Variants in CEP89 observed in about 807,000 individuals in gnomAD.
CEP89 encodes centrosomal protein 89, also known as centrosomal protein of 89 kDa.
A neutral mutation model predicts 97.6 loss-of-function variants in CEP89; 95 were observed. The observed-to-expected ratio is 0.97, with a 90% CI of 0.82 to 1.15. The LOEUF (loss-of-function observed/expected upper bound fraction) is 1.15. CEP89 is among the 50% of genes most tolerant of loss of function. The probability of loss-of-function intolerance (pLI) is 0.00; values close to 1 mark genes in which losing one functional copy is unlikely to be tolerated. For synonymous variants in CEP89, 354 were observed against 349.1 expected, an observed-to-expected ratio of 1.01 and a Z score of -0.16; for missense variants, 869 against 947.7, an observed-to-expected ratio of 0.92 and a Z score of 1.09.
intron 9 of CEP89, 82 bp downstream of exon 9, chr19:32,931,347 A>G: frequency 8.1e-7 from 1 of 1,237,414 alleles, no homozygotes; most frequent in South Asian, 1.5e-5. Flanking sequence ...ATAATAAATA[A>G]GAACCTCTCA....
At position 32,959,051 on chromosome 19, in the gene CEP89, A is replaced by C. The variant is rs11665911; in HGVS notation, c.305+849T>G. 5.3e-3 allele frequency among the ~76,000 whole-genome samples: 797 copies of C among 151,486 alleles called. 6 individuals are homozygous for C. The highest frequency in any genetic ancestry group is 0.016 in the African/African-American group (666 of 41,298). On this transcript the variant is annotated intron_variant, in intron 3 of 18. Transcript: ENST00000305768. ...ACAAAACAAAACAAACAAAACAAAA[A>C]AAAAAAAAACAGACAAATGTGATCG...
intron 17 of CEP89, among the ~76,000 whole-genome samples, chr19:32,887,140 A>G (rs1012813759): frequency 6.6e-6 from 1 of 151,494 alleles, no homozygotes; most frequent in Admixed American, 6.6e-5. Flanking sequence ...GCAGTGAGCC[A>G]TTGTCATGTC....
At chr19:32,879,918 G>C (rs1186499930) in intron 18 of CEP89, among the ~76,000 whole-genome samples, 2 of 152,252 alleles carry the variant, frequency 1.3e-5, no homozygotes, top group African/African-American at 2.4e-5. Context: ...GAGTCAGGGG[G>C]TGAGGTGGGG....
intron 5 of CEP89, among the ~76,000 whole-genome samples, chr19:32,945,373 A>G (rs1180831930): frequency 6.6e-6 from 1 of 151,480 alleles, no homozygotes; most frequent in African/African-American, 2.4e-5. Context: ...TTTCAGAAGT[A>G]TGCAGGGGCT....
At chr19:32,957,607 T>TTG (rs1429892079) in intron 3 of CEP89, among the ~76,000 whole-genome samples, 1 of 152,002 alleles carries the variant, frequency 6.6e-6, no homozygotes, top group Non-Finnish European at 1.5e-5. Flanking sequence ...GCCAGGAGTT[T>TTG]GAGACCAGCC....
chr19:32,943,658 G>A (rs1269110049), intron 5 of CEP89, among the ~76,000 whole-genome samples: 1 of 151,794 alleles, frequency 6.6e-6, no homozygotes, highest in Non-Finnish European at 1.5e-5. Flanking sequence ...AACTCACCAC[G>A]TTTCACATGC....
intron 9 of CEP89, among the ~76,000 whole-genome samples, chr19:32,930,876 T>C (rs1970458439): frequency 6.9e-6 from 1 of 144,100 alleles, no homozygotes; most frequent in African/African-American, 2.5e-5. Flanking sequence ...TTCATTCTTT[T>C]ACTTTTGTTA....
rs1007845193 is a variant in CEP89, at chr19:32,955,240, G to A, written c.306-1439C>T. ...TGGTCTCAAACTCCAGAGCTGAAGA[G>A]ATCCACCCACCTCAACCTCCCAAAG... is the stretch of plus-strand genomic sequence containing the variant. On this transcript the variant is annotated intron_variant, in intron 3 of 18. Coordinates refer to ENST00000305768, the MANE Select transcript of CEP89 (RefSeq NM_032816.5). 1.1e-4 allele frequency among the ~76,000 whole-genome samples: 16 copies of A among 152,054 alleles called. No individual in the cohort carries two copies. The East Asian group carries it at 3.1e-3, about 29-fold the overall frequency.
At chr19:32,927,892 A>G (rs1970393989) in intron 9 of CEP89, among the ~76,000 whole-genome samples, 1 of 143,522 alleles carries the variant, frequency 7.0e-6, no homozygotes, top group South Asian at 2.2e-4. Context: ...AGTGTGAGCC[A>G]GCACACTTGG....
chr19:32,930,784 T>C (rs1240066960), intron 9 of CEP89, among the ~76,000 whole-genome samples: 2 of 152,238 alleles, frequency 1.3e-5, no homozygotes, highest in African/African-American at 2.4e-5. Flanking sequence ...CTGAAAACTC[T>C]GCTTTCCTTT....
At chr19:32,894,325 G>T (rs972280272) in intron 16 of CEP89, among the ~76,000 whole-genome samples, 7 of 152,140 alleles carry the variant, frequency 4.6e-5, no homozygotes, top group African/African-American at 1.4e-4. Context: ...TTGTATGTCA[G>T]CACCTAACTT....
At chr19:32,903,184 GA>G (rs71176165) in intron 14 of CEP89, among the ~76,000 whole-genome samples, 102,324 of 149,612 alleles carry the variant, frequency 0.68, 35,139 homozygotes, top group African/African-American at 0.75. Flanking sequence ...TCTACAAAAA[GA>G]AAAAAAAAAA....
chr19:32,921,039 G>A (rs1480002629), intron 12 of CEP89, among the ~76,000 whole-genome samples: 1 of 151,442 alleles, frequency 6.6e-6, no homozygotes, highest in African/African-American at 2.4e-5. Context: ...CCAACGTGGT[G>A]AAACCTCGTC....
chr19:32,937,977 GAT>G (rs1970612188), intron 6 of CEP89, among the ~76,000 whole-genome samples: 1 of 151,354 alleles, frequency 6.6e-6, no homozygotes, highest in Admixed American at 6.6e-5. Context: ...AAGTAGCTGG[GAT>G]TACACATGGG....
intron 14 of CEP89, among the ~76,000 whole-genome samples, chr19:32,912,293 T>C (rs1485425786): frequency 2.0e-5 from 3 of 152,184 alleles, no homozygotes; most frequent in East Asian, 1.9e-4. Flanking sequence ...TGGTGCCCAG[T>C]TGTTTGCTCA....
At chr19:32,917,814 G>A (rs1027314230) in intron 13 of CEP89, 3 of 983,700 alleles carry the variant, frequency 3.0e-6, no homozygotes, top group Non-Finnish European at 2.4e-6. Flanking sequence ...CCGCAGCTCT[G>A]AAGGAAGGAA....
chr19:32,965,559 G>C (rs1379280157), intron 2 of CEP89, among the ~76,000 whole-genome samples: 1 of 151,772 alleles, frequency 6.6e-6, no homozygotes, highest in Non-Finnish European at 1.5e-5. Context: ...AGTTGGGCAT[G>C]GTGGTACATG....
At chr19:32,933,932 C>T (rs1970529114) in intron 7 of CEP89, among the ~76,000 whole-genome samples, 1 of 152,132 alleles carries the variant, frequency 6.6e-6, no homozygotes, top group African/African-American at 2.4e-5. Flanking sequence ...ATGGAAAGTT[C>T]ATCTTGCAGG....
intron 16 of CEP89, among the ~76,000 whole-genome samples, chr19:32,889,809 G>A (rs1203648338): frequency 1.3e-5 from 2 of 152,168 alleles, no homozygotes; most frequent in Admixed American, 6.5e-5. Context: ...GGATGAAAGG[G>A]TTTGTTCGGC....
Sources: gnomAD v4.1 joint callset for allele counts (sites outside exome capture counted in the v4.1 genomes callset) on GRCh38, gnomAD v4.1.1 for gene constraint, MANE v1.5 for transcripts, NCBI Gene and HGNC (gene_info 2026-07-23, HGNC 2026-07-21) for gene names.